Variants in OR52E5 observed in about 807,000 individuals in gnomAD.
The protein encoded by OR52E5 is olfactory receptor family 52 subfamily E member 5, also known as olfactory receptor 52E5.
At chr11:5,894,015 T>C (rs933676370) in intron 1 of OR52E5, among the ~76,000 whole-genome samples, 13 of 152,146 alleles carry the variant, frequency 8.5e-5, no homozygotes, top group Non-Finnish European at 1.5e-4. Flanking sequence ...TGCCCGCCAT[T>C]CTCTATCTCA....
Position 5,895,649 on chromosome 11 carries a change from T to C in OR52E5, c.-210T>C, listed in dbSNP as rs541652908. ...ACCATTAGCAGGATGATCATCTTAT[T>C]GGCATTTATGGTTGACCCCTGCGGA... On this transcript the variant is annotated 5_prime_UTR_variant, in exon 2 of 3. Coordinates refer to ENST00000610445, the MANE Select transcript of OR52E5 (RefSeq NM_001005166.5). The C allele has an allele frequency of 1.3e-5, 2 of 152,250 alleles. No homozygotes were observed. Among genetic ancestry groups the C allele is most frequent in the Non-Finnish European group, 2.9e-5 (2 of 68,034 alleles). 9.4% of individuals were successfully genotyped at this position (152,250 alleles called of 1,614,324 possible).
rs941495345 is a variant in OR52E5 at position 5,901,699 on chromosome 11, C to A, written c.923C>A (p.Pro308His). The A allele has an allele frequency of 2.5e-6, 1 of 400,872 alleles. No individual in the cohort carries two copies. The highest frequency in any genetic ancestry group is 2.1e-5 in the African/African-American group (1 of 48,672). 24.8% of individuals were successfully genotyped at this position (400,872 alleles called of 1,614,324 possible). A position where few individuals can be genotyped will look rare whatever the true frequency, so the allele number is the denominator to read the frequency against. Residue 308 changes from proline (P) to histidine (H), a missense_variant, in exon 3 of 3, where the codon CCT becomes CAT. Pro to His is a moderately conservative substitution (Grantham distance 77). Transcript: ENST00000610445. ...IREQVLRILN[P>H]KSFWHFDPKR... is the part of the protein sequence containing the mutation. ...GAGCAGGTACTTAGGATACTCAACC[C>A]TAAAAGCTTTTGGCATTTTGACCCC...
At chr11:5,895,235 T>C (rs1847157686) in intron 1 of OR52E5, among the ~76,000 whole-genome samples, 1 of 152,162 alleles carries the variant, frequency 6.6e-6, no homozygotes, top group African/African-American at 2.4e-5. Flanking sequence ...CCAAAGCTAA[T>C]ATTTTAGAAA....
rs1847246982 is a variant in OR52E5 at position 5,901,219 on chromosome 11, T to G, written c.443T>G (p.Ile148Arg). Residue 148 changes from isoleucine to arginine, a missense_variant, in exon 3 of 3, where the codon ATA becomes AGA. Transcript: ENST00000610445. ...LTNKVIAILGIVIIVRTLVFV... is the reference protein window; with the variant it reads ...LTNKVIAILGRVIIVRTLVFV... ...AACAAGGTAATAGCCATTCTGGGCATAGTCATCATTGTCAGGACTTTGGTA... is the reference window on the plus strand; with the variant it reads ...AACAAGGTAATAGCCATTCTGGGCAGAGTCATCATTGTCAGGACTTTGGTA... 1 of 401,516 alleles carries G rather than the reference T, an allele frequency of 2.5e-6. No individual in the cohort carries two copies. Among genetic ancestry groups the G allele is most frequent in the Non-Finnish European group, 4.4e-6 (1 of 226,354 alleles). 24.9% of individuals were successfully genotyped at this position (401,516 alleles called of 1,614,324 possible).
chr11:5,902,025 G>A lies in OR52E5; in HGVS notation c.*265G>A. On this transcript the variant is annotated 3_prime_UTR_variant, in exon 3 of 3. Transcript: ENST00000610445. The stretch of plus-strand genomic sequence containing the variant: ...AAAGTTATTGCCCAGTAATTGTCTT[G>A]AATAGCCTTTCCACATGAAGATTCT... 1 of 291,036 alleles carries A rather than the reference G, an allele frequency of 3.4e-6. No individual in the cohort carries two copies. The highest frequency in any genetic ancestry group is 6.4e-6 in the Non-Finnish European group (1 of 156,766). 18.0% of individuals were successfully genotyped at this position (291,036 alleles called of 1,614,324 possible).
At chr11:5,894,434 AG>A (rs1266935757) in intron 1 of OR52E5, among the ~76,000 whole-genome samples, 2 of 151,886 alleles carry the variant, frequency 1.3e-5, no homozygotes, top group East Asian at 1.9e-4. Context: ...TTGGAAAAAT[AG>A]GAAAAAAAAG....
At position 5,902,151 on chromosome 11, in the gene OR52E5, G is replaced by A. The variant is rs997368172; in HGVS notation, c.*391G>A. The stretch of plus-strand genomic sequence containing the variant: ...CAGTGGCAAGAGAAATTAACTAGGA[G>A]TCATAAGATCTAGATTTAAATACAG... On this transcript the variant is annotated 3_prime_UTR_variant, in exon 3 of 3. Transcript: ENST00000610445. 2 of 158,964 alleles carry A rather than the reference G, an allele frequency of 1.3e-5. No individual in the cohort carries two copies. Among genetic ancestry groups the A allele is most frequent in the African/African-American group, 2.4e-5 (1 of 41,726 alleles). The allele number at this position is 158,964 out of a possible 1,614,324, so 9.8% of individuals were successfully genotyped here. A position where few individuals can be genotyped will look rare whatever the true frequency, so the allele number is the denominator to read the frequency against.
chr11:5,900,499 T>C (rs1253867857), intron 2 of OR52E5, 133 bp from the exon 3 acceptor site: 1 of 290,474 alleles, frequency 3.4e-6, no homozygotes, highest in Admixed American at 5.1e-5. Flanking sequence ...TCTTAGAGAC[T>C]GAAGGGAGGA....
chr11:5,901,625 C>G lies in OR52E5; in HGVS notation c.849C>G (p.Pro283=), dbSNP rs140619661. 107 of 401,334 alleles carry G rather than the reference C, an allele frequency of 2.7e-4. 1 individual carries two copies. In the East Asian group the frequency reaches 3.8e-3, roughly 14 times the overall value. The allele number at this position is 401,334 out of a possible 1,614,324, so 24.9% of individuals were successfully genotyped here. The change falls in exon 3 of 3, where the codon CCC becomes CCG. Residue 283 remains proline (P), a synonymous_variant. Coordinates refer to ENST00000610445, the MANE Select transcript of OR52E5 (RefSeq NM_001005166.5). ...ILLANLYVVF[P]PALNSVIYGV... is the part of the protein sequence containing the mutation. ...TGGCCAATCTGTATGTGGTTTTTCC[C>G]CCTGCTCTTAACTCTGTTATCTATG...
chr11:5,895,871 T>C (rs1847166289), intron 2 of OR52E5, among the ~76,000 whole-genome samples, 158 bp downstream of exon 2: 1 of 152,090 alleles, frequency 6.6e-6, no homozygotes, highest in Non-Finnish European at 1.5e-5. Flanking sequence ...AAGGCCAGCC[T>C]GGCCTTGTCT....
chr11:5,898,200 G>A (rs1028586613), intron 2 of OR52E5, among the ~76,000 whole-genome samples: 1 of 152,014 alleles, frequency 6.6e-6, no homozygotes, highest in Admixed American at 6.6e-5. Flanking sequence ...GATTAATGAT[G>A]ATGAACATTT....
intron 2 of OR52E5, among the ~76,000 whole-genome samples, chr11:5,897,573 G>A (rs750671061): frequency 6.6e-5 from 10 of 152,200 alleles, no homozygotes; most frequent in Non-Finnish European, 1.2e-4. Context: ...ATTGTGAATA[G>A]TGCTGTGATA....
chr11:5,897,500 C>A lies in OR52E5; in HGVS notation c.-146+1787C>A, dbSNP rs546915948. Among the ~76,000 whole-genome samples, 8 of 152,260 alleles carry A rather than the reference C, an allele frequency of 5.3e-5. No homozygotes were observed. In the South Asian group the frequency reaches 1.7e-3, roughly 32 times the overall value. On this transcript the variant is annotated intron_variant, in intron 2 of 2. Transcript: ENST00000610445. ...GCTGTGTACTTTTCTATGGTGTATA[C>A]GTCCCACATTTTATTTACCCAATCT...
At chr11:5,898,161 A>G (rs1847201174) in intron 2 of OR52E5, among the ~76,000 whole-genome samples, 1 of 151,950 alleles carries the variant, frequency 6.6e-6, no homozygotes, top group South Asian at 2.1e-4. Flanking sequence ...ACCTGGCCTC[A>G]TTGTGGTTTT....
At chr11:5,895,574 T>C (rs923777026) in intron 1 of OR52E5, 58 bp from the exon 2 acceptor site, 1 of 152,230 alleles carries the variant, frequency 6.6e-6, no homozygotes, top group Non-Finnish European at 1.5e-5. Flanking sequence ...TTTTAATCTT[T>C]GTAAATAGCC....
At chr11:5,897,577 T>C (rs1374636137) in intron 2 of OR52E5, among the ~76,000 whole-genome samples, 2 of 152,240 alleles carry the variant, frequency 1.3e-5, no homozygotes, top group Admixed American at 1.3e-4. Context: ...TGAATAGTGC[T>C]GTGATAAGCA....
In OR52E5 at chr11:5,896,712, C is replaced by T. The variant is rs191385287; in HGVS notation, c.-146+999C>T. On this transcript the variant is annotated intron_variant, in intron 2 of 2. Coordinates refer to ENST00000610445, the MANE Select transcript of OR52E5 (RefSeq NM_001005166.5). ...TGTCTATAACTTCTAATTTTCAGGA[C>T]AGTCCCTGCATGATGTGGTGATCAT... Among the ~76,000 whole-genome samples the T allele has an allele frequency of 3.9e-3, 598 of 152,252 alleles. 3 individuals carry two copies. The highest frequency in any genetic ancestry group is 7.2e-3 in the Non-Finnish European group (489 of 68,012).
chr11:5,893,891 C>A (rs1847138677), intron 1 of OR52E5, among the ~76,000 whole-genome samples: 1 of 152,100 alleles, frequency 6.6e-6, no homozygotes, highest in Admixed American at 6.6e-5. Context: ...CATATCGTAT[C>A]ATTTGAGGCT....
chr11:5,902,445 G>C lies in OR52E5; in HGVS notation c.*685G>C, dbSNP rs1241611763. ...CTCTAGTATACAATCCCTGGTTTGA[G>C]GTCAGCTCTCCAGATCCAGATTATC... is the stretch of plus-strand genomic sequence containing the variant. On this transcript the variant is annotated 3_prime_UTR_variant, in exon 3 of 3. Coordinates refer to ENST00000610445, the MANE Select transcript of OR52E5 (RefSeq NM_001005166.5). 6.6e-6 allele frequency: 1 copy of C among 152,140 alleles called. No individual in the cohort carries two copies. Among genetic ancestry groups the C allele is most frequent in the African/African-American group, 2.4e-5 (1 of 41,416 alleles). The allele number at this position is 152,140 out of a possible 1,614,324, so 9.4% of individuals were successfully genotyped here. A position where few individuals can be genotyped will look rare whatever the true frequency, so the allele number is the denominator to read the frequency against.
Sources: gnomAD v4.1 joint callset for allele counts (sites outside exome capture counted in the v4.1 genomes callset) on GRCh38, gnomAD v4.1.1 for gene constraint, MANE v1.5 for transcripts, NCBI Gene and HGNC (gene_info 2026-07-23, HGNC 2026-07-21) for gene names.